TADA3: variants seen among roughly 807,000 people sequenced by gnomAD.
TADA3 encodes the protein transcriptional adapter 3.
TADA3 carries 25 observed loss-of-function variants against 43.2 expected under a neutral mutation model. The observed-to-expected ratio is 0.58, with a 90% CI of 0.42 to 0.81. The LOEUF is 0.81. Ranked by LOEUF, TADA3 falls within the 30% of genes least tolerant of loss-of-function variation. The pLI is 0.00. For synonymous variants in TADA3, 235 were observed against 225.5 expected, an observed-to-expected ratio of 1.04 and a Z score of -0.38; for missense variants, 441 against 567.8, an observed-to-expected ratio of 0.78 and a Z score of 2.27.
Position 9,787,247 on chromosome 3 carries a change from C to T in TADA3, c.658G>A (p.Asp220Asn). Residue 220 changes from aspartate (D) to asparagine (N), a missense_variant, in exon 5 of 9, where the codon GAC becomes AAC. Asp to Asn is a conservative substitution (Grantham distance 23). Coordinates refer to ENST00000301964, the MANE Select transcript of TADA3 (RefSeq NM_006354.5). Reference sequence around the variant, plus strand: ...GGCCCCATGAGGCCTTTCTTCTTGTCAGCCACAGCCGCTGCCCGGGCCCCA... The same window carrying T: ...GGCCCCATGAGGCCTTTCTTCTTGTTAGCCACAGCCGCTGCCCGGGCCCCA... ...KDGARAAAVA[D>N]KKKGLMGPLT... The T allele has an allele frequency of 1.2e-6, 2 of 1,614,234 alleles. No individual in the cohort carries two copies. The highest frequency in any genetic ancestry group is 1.7e-6 in the Non-Finnish European group (2 of 1,180,050).
rs758687918 is a variant in TADA3 at position 9,780,380 on chromosome 3, T to C, written c.1276A>G (p.Ile426Val). 3.0e-5 allele frequency: 48 copies of C among 1,613,104 alleles called. No individual in the cohort carries two copies. Among genetic ancestry groups the C allele is most frequent in the Non-Finnish European group, 4.0e-5 (47 of 1,179,752 alleles). Residue 426 changes from isoleucine (I) to valine (V), a missense_variant, in exon 9 of 9, where the codon ATC (isoleucine) becomes GTC (valine). By Grantham distance (29) the Ile-to-Val change is conservative (BLOSUM62 3). Coordinates refer to ENST00000301964, the MANE Select transcript of TADA3 (RefSeq NM_006354.5). ...AWKTLKERES[I>V]LKLLDG ...GGCTACCCATCCAGCAGCTTCAGGA[T>C]GCTCTCACGCTCCTTCAGAGTCTTC...
chr3:9,782,637 A>T (rs2078503506), intron 8 of TADA3, among the ~76,000 whole-genome samples: 2 of 152,188 alleles, frequency 1.3e-5, no homozygotes. Context: ...AGAATGGCCA[A>T]ATGATTAGCC....
At chr3:9,785,797 T>TC (rs1369063943) in intron 6 of TADA3, among the ~76,000 whole-genome samples, 1 of 152,236 alleles carries the variant, frequency 6.6e-6, no homozygotes, top group Non-Finnish European at 1.5e-5. Context: ...GCAATGCCTG[T>TC]CCAGTTGTAC....
chr3:9,780,384 C>G lies in TADA3; in HGVS notation c.1272G>C (p.Glu424Asp), dbSNP rs1245567569. Residue 424 changes from glutamate (E) to aspartate (D), a missense_variant, in exon 9 of 9, where the codon GAG becomes GAC. Transcript: ENST00000301964. The part of the protein sequence containing the change: ...DQAWKTLKER[E>D]SILKLLDG ...ACCCATCCAGCAGCTTCAGGATGCT[C>G]TCACGCTCCTTCAGAGTCTTCCAGG... is the stretch of plus-strand genomic sequence containing the variant. 6.2e-7 allele frequency: 1 copy of G among 1,613,408 alleles called. No homozygotes were observed. The highest frequency in any genetic ancestry group is 1.7e-5 in the Admixed American group (1 of 59,920).
intron 1 of TADA3, 57 bp from the exon 2 acceptor site, chr3:9,791,550 C>T (rs1020972898): frequency 9.4e-7 from 1 of 1,061,256 alleles, no homozygotes; most frequent in Non-Finnish European, 1.3e-6. Flanking sequence ...AGCCCAAGGG[C>T]TTCTTACCTC....
rs1475535540 is a variant in TADA3, at chr3:9,780,290, AAAG to A, written c.*64_*66del. ...CCACAGGCCAATGTTTCCTGTGCCCAAAGAAGGAAGTGGGCCTCCCTTCCCCTC... is the reference window on the plus strand; with the variant it reads ...CCACAGGCCAATGTTTCCTGTGCCCAAAGGAAGTGGGCCTCCCTTCCCCTC... On this transcript the variant is annotated 3_prime_UTR_variant, in exon 9 of 9. Coordinates refer to ENST00000301964, the MANE Select transcript of TADA3 (RefSeq NM_006354.5). The A allele has an allele frequency of 1.1e-5, 17 of 1,508,580 alleles. No homozygotes were observed. Among genetic ancestry groups the A allele is most frequent in the African/African-American group, 4.2e-5 (3 of 71,598 alleles). The allele number at this position is 1,508,580 out of a possible 1,614,324, so 93.4% of individuals were successfully genotyped here.
chr3:9,790,102 T>A, intron 2 of TADA3, 139 bp from the exon 3 acceptor site: 1 of 1,103,970 alleles, frequency 9.1e-7, no homozygotes, highest in South Asian at 1.8e-5. Flanking sequence ...AGTAAACTCT[T>A]ACTCATCCTT....
At chr3:9,786,130 G>A (rs1450277994) in intron 6 of TADA3, among the ~76,000 whole-genome samples, 11 of 152,044 alleles carry the variant, frequency 7.2e-5, no homozygotes, top group African/African-American at 2.2e-4. Context: ...TAGTAGAGAC[G>A]GGGTTTCATC....
intron 7 of TADA3, 71 bp from the exon 8 acceptor site, chr3:9,784,284 G>A (rs954453419): frequency 1.2e-5 from 18 of 1,527,316 alleles, no homozygotes; most frequent in African/African-American, 8.3e-5. Context: ...AGGTTCCCAG[G>A]GCTTCCCAAG....
chr3:9,787,299 C>A lies in TADA3; in HGVS notation c.606G>T (p.Gln202His), dbSNP rs776876963. Reference protein sequence around the residue: ...LGKHYSQRWAQEDLLEEQKDG... With the variant: ...LGKHYSQRWAHEDLLEEQKDG... ...CCTTCTGCTCCTCCAGCAGGTCCTC[C>A]TGGGCCCAGCGCTGGGAGTAGTGCT... is the stretch of plus-strand genomic sequence containing the variant. The change falls in exon 5 of 9, where the codon CAG becomes CAT. Residue 202 changes from glutamine to histidine, a missense_variant. By Grantham distance (24) the Gln-to-His change is conservative. Transcript: ENST00000301964. 15 of 1,613,930 alleles carry A rather than the reference C, an allele frequency of 9.3e-6. No individual in the cohort carries two copies. Among genetic ancestry groups the A allele is most frequent in the Non-Finnish European group, 1.2e-5 (14 of 1,179,982 alleles).
At chr3:9,780,626 T>C (rs1472529137) in intron 8 of TADA3, 77 bp from the exon 9 acceptor site, 2 of 1,447,718 alleles carry the variant, frequency 1.4e-6, no homozygotes, top group African/African-American at 2.8e-5. Context: ...AGACCGAGCC[T>C]ACCCACCAGC....
chr3:9,790,039 A>G, intron 2 of TADA3, 76 bp from the exon 3 acceptor site: 2 of 1,487,156 alleles, frequency 1.3e-6, no homozygotes, highest in Non-Finnish European at 8.9e-7. Context: ...TGAATAAATT[A>G]GGATCTAGAA....
chr3:9,786,671 TG>T (rs2078621293), intron 6 of TADA3, among the ~76,000 whole-genome samples: 1 of 152,058 alleles, frequency 6.6e-6, no homozygotes, highest in African/African-American at 2.4e-5. Flanking sequence ...CAAAAGTAAT[TG>T]TGGAGTAAGG....
At chr3:9,781,723 G>A in intron 8 of TADA3, 1 of 412,090 alleles carries the variant, frequency 2.4e-6, no homozygotes, top group South Asian at 1.7e-5. Context: ...AGGGGAAGGA[G>A]ATGCTCAGGT....
Position 9,791,512 on chromosome 3 carries a change from T to C in TADA3, c.-27-19A>G, listed in dbSNP as rs756697833. ...TGTGGAGCTGGAGAGGACAGGGCCA[T>C]TGATGGGAGACAAAGTGGTCTGAGA... On this transcript the variant is annotated intron_variant, in intron 1 of 8. Coordinates refer to ENST00000301964, the MANE Select transcript of TADA3 (RefSeq NM_006354.5). 3.0e-5 allele frequency: 44 copies of C among 1,469,946 alleles called. No individual in the cohort carries two copies. The Middle Eastern group carries it at 7.1e-4, about 24-fold the overall frequency. The allele number at this position is 1,469,946 out of a possible 1,614,324, so 91.1% of individuals were successfully genotyped here.
At chr3:9,782,523 C>T (rs561814406) in intron 8 of TADA3, among the ~76,000 whole-genome samples, 83 of 152,348 alleles carry the variant, frequency 5.4e-4, no homozygotes, top group African/African-American at 2.0e-3. Context: ...GCAACTACCT[C>T]TCCTTTTAAT....
chr3:9,787,625 C>T, intron 4 of TADA3: 1 of 1,265,122 alleles, frequency 7.9e-7, no homozygotes, highest in Admixed American at 2.3e-5. Flanking sequence ...CAGGTCACAG[C>T]AATTGCCTCT....
rs771281953 is a variant in TADA3 at position 9,785,334 on chromosome 3, T to C, written c.902A>G (p.Asn301Ser). The change falls in exon 7 of 9, where the codon AAT (asparagine) becomes AGT (serine). Residue 301 changes from asparagine (N) to serine (S), a missense_variant. Coordinates refer to ENST00000301964, the MANE Select transcript of TADA3 (RefSeq NM_006354.5). ...GADGASTSPR[N>S]QNKPFSVPHT... ...CACTCACCTGAAGGGCTTGTTCTGATTGCGAGGGGAGGTGCTTGCCCCGTC... is the reference window on the plus strand; with the variant it reads ...CACTCACCTGAAGGGCTTGTTCTGACTGCGAGGGGAGGTGCTTGCCCCGTC... 1.2e-6 allele frequency: 2 copies of C among 1,613,978 alleles called. No homozygotes were observed. The highest frequency in any genetic ancestry group is 1.7e-5 in the Admixed American group (1 of 60,010).
intron 7 of TADA3, among the ~76,000 whole-genome samples, chr3:9,784,965 C>T (rs777233591): frequency 6.6e-6 from 1 of 152,124 alleles, no homozygotes; most frequent in South Asian, 2.1e-4. Context: ...CCACTTGTCA[C>T]TCTATAATTT....
Sources: gnomAD v4.1 joint callset for allele counts (sites outside exome capture counted in the v4.1 genomes callset) on GRCh38, gnomAD v4.1.1 for gene constraint, MANE v1.5 for transcripts, NCBI Gene and HGNC (gene_info 2026-07-23, HGNC 2026-07-21) for gene names.